Variants in KLHL7 observed in about 807,000 individuals in gnomAD.
The protein encoded by KLHL7 is kelch-like protein 7.
KLHL7 carries 44 observed loss-of-function variants against 67.4 expected under a neutral mutation model. The ratio of observed to expected loss-of-function variants is 0.65; its 90% CI spans 0.51 to 0.84. The LOEUF is 0.84. Ranked by LOEUF, KLHL7 falls within the 40% of genes least tolerant of loss-of-function variation. KLHL7 has a pLI of 0.00. For missense variants in KLHL7, 362 were observed against 718.1 expected, an observed-to-expected ratio of 0.50 and a Z score of 5.67; for synonymous variants, 252 against 243.3, an observed-to-expected ratio of 1.04 and a Z score of -0.33.
intron 7 of KLHL7, among the ~76,000 whole-genome samples, chr7:23,155,525 G>A (rs1004516983): frequency 4.6e-5 from 7 of 151,702 alleles, no homozygotes; most frequent in African/African-American, 1.5e-4. Context: ...TTAGCCAGGC[G>A]TCGTGGCAGG....
chr7:23,165,682 T>A lies in KLHL7; in HGVS notation c.937-16T>A. 6.2e-7 allele frequency: 1 copy of A among 1,614,124 alleles called. No individual in the cohort carries two copies. On this transcript the variant is annotated splice_polypyrimidine_tract_variant and intron_variant, in intron 7 of 10. Transcript: ENST00000339077. Reference sequence around the variant, plus strand: ...TTTTTTCCTTACTGAAAGCTTCCCATCCTTTTCTGCTACAGGATTATAGCT... The same window carrying A: ...TTTTTTCCTTACTGAAAGCTTCCCAACCTTTTCTGCTACAGGATTATAGCT...
chr7:23,146,165 C>T (rs1169384022), intron 6 of KLHL7, among the ~76,000 whole-genome samples: 3 of 152,200 alleles, frequency 2.0e-5, no homozygotes, highest in Non-Finnish European at 2.9e-5. Flanking sequence ...GACTGTGCAA[C>T]AGGGGAAGGA....
At position 23,137,756 on chromosome 7, in the gene KLHL7, G is replaced by A. The variant is rs1486282258; in HGVS notation, c.443-3013G>A. On this transcript the variant is annotated intron_variant, in intron 4 of 10. Transcript: ENST00000339077. ...ATCCTCCTAAAATGCTGGGGTTACA[G>A]GCATGAGCCACCACGCCTGGCCAGG... 3.3e-5 allele frequency among the ~76,000 whole-genome samples: 5 copies of A among 151,146 alleles called. No individual in the cohort carries two copies. The South Asian group carries it at 6.3e-4, about 19-fold the overall frequency.
intron 4 of KLHL7, among the ~76,000 whole-genome samples, chr7:23,133,901 A>G (rs763500971): frequency 6.6e-6 from 1 of 152,188 alleles, no homozygotes; most frequent in Non-Finnish European, 1.5e-5. Flanking sequence ...GCAAACAAGG[A>G]TAATTTTATT....
intron 1 of KLHL7, among the ~76,000 whole-genome samples, chr7:23,107,887 A>G (rs949770896): frequency 5.3e-5 from 8 of 152,194 alleles, no homozygotes; most frequent in African/African-American, 1.9e-4. Flanking sequence ...TCACTTCGCA[A>G]TTGATTTACA....
chr7:23,130,324 A>G (rs546742688), intron 4 of KLHL7, among the ~76,000 whole-genome samples: 179 of 152,336 alleles, frequency 1.2e-3, no homozygotes, highest in Admixed American at 2.1e-3. Flanking sequence ...GTGAGACATC[A>G]TATCTATAAA....
At chr7:23,117,866 T>A in intron 1 of KLHL7, 1 of 1,613,632 alleles carries the variant, frequency 6.2e-7, no homozygotes. Flanking sequence ...TGTAGTTGAA[T>A]CTACAATCTG....
chr7:23,144,218 G>A (rs1452208496), intron 6 of KLHL7, among the ~76,000 whole-genome samples, 193 bp downstream of exon 6: 2 of 152,016 alleles, frequency 1.3e-5, no homozygotes, highest in Non-Finnish European at 2.9e-5. Flanking sequence ...ATTTTATAGG[G>A]GTATATGTGA....
At chr7:23,158,812 T>C (rs979543816) in intron 7 of KLHL7, among the ~76,000 whole-genome samples, 2 of 152,136 alleles carry the variant, frequency 1.3e-5, no homozygotes, top group Admixed American at 6.5e-5. Flanking sequence ...TAACAGTTAA[T>C]TGTCCTGATG....
intron 1 of KLHL7, among the ~76,000 whole-genome samples, chr7:23,116,201 A>G (rs1407262166): frequency 2.6e-5 from 4 of 152,166 alleles, no homozygotes; most frequent in African/African-American, 9.7e-5. Flanking sequence ...CCTTGTATCT[A>G]TGAATCCTGT....
intron 4 of KLHL7, among the ~76,000 whole-genome samples, chr7:23,127,680 A>C (rs1425645071): frequency 6.6e-6 from 1 of 152,024 alleles, no homozygotes; most frequent in Admixed American, 6.6e-5. Context: ...CAGCCTGGCC[A>C]ACATGGTGAA....
At chr7:23,133,067 G>A (rs935016575) in intron 4 of KLHL7, among the ~76,000 whole-genome samples, 1 of 152,128 alleles carries the variant, frequency 6.6e-6, no homozygotes. Context: ...TTTGAAGTTG[G>A]GTAATGTGAT....
chr7:23,128,808 A>C (rs1338652201), intron 4 of KLHL7, among the ~76,000 whole-genome samples: 1 of 152,126 alleles, frequency 6.6e-6, no homozygotes, highest in Non-Finnish European at 1.5e-5. Flanking sequence ...AAATTTGCCT[A>C]TTCTGAGTGT....
At chr7:23,153,592 C>T (rs1784606907) in intron 7 of KLHL7, among the ~76,000 whole-genome samples, 1 of 152,146 alleles carries the variant, frequency 6.6e-6, no homozygotes, top group South Asian at 2.1e-4. Flanking sequence ...GTCAGAACCT[C>T]ATGGGCAGCT....
intron 1 of KLHL7, chr7:23,106,518 C>G (rs977435743): frequency 1.8e-6 from 2 of 1,130,556 alleles, no homozygotes; most frequent in Non-Finnish European, 2.2e-6. Context: ...TGAAGAAACC[C>G]GTTGGCATAG....
At chr7:23,117,692 C>A in intron 1 of KLHL7, 1 of 786,114 alleles carries the variant, frequency 1.3e-6, no homozygotes, top group Non-Finnish European at 1.9e-6. Flanking sequence ...GCTTTTCTGA[C>A]AAATGTGATT....
intron 9 of KLHL7, 114 bp from the exon 10 acceptor site, chr7:23,172,834 G>A (rs1039927540): frequency 5.1e-6 from 4 of 784,882 alleles, no homozygotes; most frequent in African/African-American, 3.4e-5. Context: ...GTGCGTATAT[G>A]TACACATATG....
In KLHL7 at chr7:23,106,269, C is replaced by T. The variant is rs565656095; in HGVS notation, c.120+123C>T. ...CCCTCTTTCTCTGTCCTCGCCCCTC[C>T]TTCCGTTTTCGCAGGCGAGCGATTC... On this transcript the variant is annotated intron_variant, in intron 1 of 10. Coordinates refer to ENST00000339077, the MANE Select transcript of KLHL7 (RefSeq NM_001031710.3). The T allele has an allele frequency of 1.3e-4, 198 of 1,529,570 alleles. 2 individuals are homozygous for T. The Admixed American group carries it at 2.8e-3, about 21-fold the overall frequency. The allele number at this position is 1,529,570 out of a possible 1,614,324, so 94.7% of individuals were successfully genotyped here. A position where few individuals can be genotyped will look rare whatever the true frequency, so the allele number is the denominator to read the frequency against.
At chr7:23,123,283 A>T (rs1225837402) in intron 1 of KLHL7, among the ~76,000 whole-genome samples, 1 of 152,214 alleles carries the variant, frequency 6.6e-6, no homozygotes, top group Non-Finnish European at 1.5e-5. Context: ...TTTCTGTTTC[A>T]AGTTAGATCT....
Sources: gnomAD v4.1 joint callset for allele counts (sites outside exome capture counted in the v4.1 genomes callset) on GRCh38, gnomAD v4.1.1 for gene constraint, MANE v1.5 for transcripts, NCBI Gene and HGNC (gene_info 2026-07-23, HGNC 2026-07-21) for gene names.